Variants in TRNP1 observed in about 807,000 individuals in gnomAD.
TRNP1 encodes the protein TMF-regulated nuclear protein 1.
In TRNP1, 16 loss-of-function variants were observed where a neutral mutation model predicts 12.2. The ratio of observed to expected loss-of-function variants is 1.31; its 90% CI spans 0.89 to 1.99. TRNP1 has a LOEUF of 1.99. Ranked by LOEUF, TRNP1 falls within the 30% of genes most tolerant of loss-of-function variation. TRNP1 has a pLI of 0.00. For synonymous variants in TRNP1, 139 were observed against 166.2 expected (o/e 0.84, Z 1.26); for missense variants, 338 against 330.4 (o/e 1.02, Z -0.18).
At chr1:26,999,267 C>T (rs1179865051) in intron 1 of TRNP1, among the ~76,000 whole-genome samples, 1 of 152,192 alleles carries the variant, frequency 6.6e-6, no homozygotes, top group African/African-American at 2.4e-5. Flanking sequence ...CCCTGTAATC[C>T]CAGCTACTCC....
At position 26,993,704 on chromosome 1, in the gene TRNP1, G is replaced by A. The variant is rs565474818; in HGVS notation, c.-83G>A. ...CGGGCGCGCCTCTGGGGTGGGGGCT[G>A]TGGCCGTGTCTAGCTGTTCGGGTGT... On this transcript the variant is annotated 5_prime_UTR_variant, in exon 1 of 2. The change creates a new upstream start codon in the 5' untranslated region. Transcript: ENST00000522111. The A allele has an allele frequency of 7.8e-5, 96 of 1,236,826 alleles. No homozygotes were observed. In the African/African-American group the frequency reaches 1.2e-3, roughly 16 times the overall value. 76.6% of individuals were successfully genotyped at this position (1,236,826 alleles called of 1,614,324 possible).
At position 26,993,800 on chromosome 1, in the gene TRNP1, G is replaced by A. The variant is rs759852758; in HGVS notation, c.14G>A (p.Arg5His). The change falls in exon 1 of 2, where the codon CGC becomes CAC. Residue 5 changes from arginine to histidine, a missense_variant. Arg to His is a conservative substitution (Grantham distance 29). Transcript: ENST00000522111. MPGC[R>H]ISACGPGAQE... is the part of the protein sequence containing the mutation. ...GGGGGGCGGGGGATGCCGGGCTGCCGCATCAGCGCCTGCGGCCCGGGGGCC... is the reference window on the plus strand; with the variant it reads ...GGGGGGCGGGGGATGCCGGGCTGCCACATCAGCGCCTGCGGCCCGGGGGCC... 42 of 1,322,064 alleles carry A rather than the reference G, an allele frequency of 3.2e-5. No individual in the cohort carries two copies. The Middle Eastern group carries it at 8.5e-4, about 27-fold the overall frequency. The allele number at this position is 1,322,064 out of a possible 1,614,324, so 81.9% of individuals were successfully genotyped here. A position where few individuals can be genotyped will look rare whatever the true frequency, so the allele number is the denominator to read the frequency against.
Position 26,994,474 on chromosome 1 carries a change from C to A in TRNP1, c.*4C>A. On this transcript the variant is annotated 3_prime_UTR_variant, in exon 1 of 2. Transcript: ENST00000522111. The surrounding 1 kb of genome is among the most constrained non-coding windows in gnomAD (Gnocchi z 6.9). ...CCCCGCCTCCCCGCAGCGCTGACCT[C>A]CACGCCCGGACCCCTGGCCACCCCG... The A allele has an allele frequency of 8.5e-7, 1 of 1,178,256 alleles. No individual in the cohort carries two copies. The highest frequency in any genetic ancestry group is 1.0e-6 in the Non-Finnish European group (1 of 952,912). 73.0% of individuals were successfully genotyped at this position (1,178,256 alleles called of 1,614,324 possible).
rs1437954925 is a variant in TRNP1 at position 27,000,228 on chromosome 1, AAAC to A, written c.*529_*531del. On this transcript the variant is annotated 3_prime_UTR_variant, in exon 2 of 2. Coordinates refer to ENST00000522111, the MANE Select transcript of TRNP1 (RefSeq NM_001013642.3). ...TTTTCAAGATATCGTCATCATTCTT[AAAC>A]AACATTCTTAACCCCCAGCTGGGGT... The A allele has an allele frequency of 1.3e-5, 2 of 152,190 alleles. No individual in the cohort carries two copies. Among genetic ancestry groups the A allele is most frequent in the Non-Finnish European group, 2.9e-5 (2 of 68,042 alleles). 9.4% of individuals were successfully genotyped at this position (152,190 alleles called of 1,614,324 possible).
chr1:26,997,544 AG>A (rs1351710748), intron 1 of TRNP1, among the ~76,000 whole-genome samples: 1 of 152,092 alleles, frequency 6.6e-6, no homozygotes, highest in Non-Finnish European at 1.5e-5. Context: ...AGCCTCGGAC[AG>A]AAGGCTGACC....
chr1:26,994,444 C>A lies in TRNP1; in HGVS notation c.658C>A (p.Arg220Ser). Residue 220 changes from arginine to serine, a missense_variant, in exon 1 of 2, where the codon CGC (arginine) becomes AGC (serine). Physicochemically the swap from Arg to Ser is moderately radical, Grantham distance 110. Transcript: ENST00000522111. The surrounding 1 kb of genome is among the most constrained non-coding windows in gnomAD (Gnocchi z 6.9). ...CTCGCCCTTCCGCCGCAGCCCGCCC[C>A]GCGGCCCCGCCTCCCCGCAGCGCTG... ...PDSPFRRSPPRGPASPQR is the reference protein window; with the variant it reads ...PDSPFRRSPPSGPASPQR 1 of 1,176,488 alleles carries A rather than the reference C, an allele frequency of 8.5e-7. No homozygotes were observed. The allele number at this position is 1,176,488 out of a possible 1,614,324, so 72.9% of individuals were successfully genotyped here.
chr1:26,993,956 C>A lies in TRNP1; in HGVS notation c.170C>A (p.Ala57Glu). 7.5e-7 allele frequency: 1 copy of A among 1,334,936 alleles called. No individual in the cohort carries two copies. 82.7% of individuals were successfully genotyped at this position (1,334,936 alleles called of 1,614,324 possible). ...GGTCAGTCCCCGCCGCTGCCGGACG[C>A]AGCTGGGGCTTCAGCAGGCGCGGCC... The part of the protein sequence containing the change: ...TPGQSPPLPD[A>E]AGASAGAAED... Residue 57 changes from alanine (A) to glutamate (E), a missense_variant, in exon 1 of 2, where the codon GCA (alanine) becomes GAA (glutamate). By Grantham distance (107) the Ala-to-Glu change is moderately radical. Transcript: ENST00000522111.
At chr1:26,996,546 A>G (rs1410964472) in intron 1 of TRNP1, among the ~76,000 whole-genome samples, 1 of 152,132 alleles carries the variant, frequency 6.6e-6, no homozygotes, top group Non-Finnish European at 1.5e-5. Flanking sequence ...TGGGGTCTAG[A>G]GGCTTAGAGA....
chr1:26,995,457 C>G (rs1420993550), intron 1 of TRNP1, among the ~76,000 whole-genome samples: 1 of 152,178 alleles, frequency 6.6e-6, no homozygotes, highest in Non-Finnish European at 1.5e-5. Flanking sequence ...TTCCTCTGTC[C>G]CCACTGTGAA....
Position 26,998,576 on chromosome 1 carries a change from G to A in TRNP1, c.*143-1271G>A, listed in dbSNP as rs114501881. 9.7e-3 allele frequency among the ~76,000 whole-genome samples: 1,478 copies of A among 152,214 alleles called. 14 individuals are homozygous for A. The highest frequency in any genetic ancestry group is 0.017 in the Non-Finnish European group (1,128 of 68,022). Reference sequence around the variant, plus strand: ...AGGAGAGGCCTGCTGTCATGAGAGCGGTGCAGGAGGAGGTATTTGGGAAAG... The same window carrying A: ...AGGAGAGGCCTGCTGTCATGAGAGCAGTGCAGGAGGAGGTATTTGGGAAAG... On this transcript the variant is annotated intron_variant, in intron 1 of 1. Coordinates refer to ENST00000522111, the MANE Select transcript of TRNP1 (RefSeq NM_001013642.3).
intron 1 of TRNP1, among the ~76,000 whole-genome samples, chr1:26,997,908 C>CGGTAGT (rs1557699401): frequency 6.6e-6 from 1 of 152,098 alleles, no homozygotes; most frequent in Non-Finnish European, 1.5e-5. Flanking sequence ...TCCCTTTGCC[C>CGGTAGT]GGTAGTCCCC....
In TRNP1 at chr1:27,000,535, G is replaced by A. The variant is rs1421853623; in HGVS notation, c.*831G>A. The A allele has an allele frequency of 6.6e-6, 1 of 152,646 alleles. No homozygotes were observed. 9.5% of individuals were successfully genotyped at this position (152,646 alleles called of 1,614,324 possible). On this transcript the variant is annotated 3_prime_UTR_variant, in exon 2 of 2. Coordinates refer to ENST00000522111, the MANE Select transcript of TRNP1 (RefSeq NM_001013642.3). The stretch of plus-strand genomic sequence containing the variant: ...CACATTTAAACATCCTGATAATGGA[G>A]GGAAGGGGGGCACATTTACACATAG...
chr1:26,994,242 C>T lies in TRNP1; in HGVS notation c.456C>T (p.Ser152=), dbSNP rs1195099160. ...GCGCGGAGAGCCTGAGCCGCCTGAG[C>T]GGCGGCGTGGCGCAGGCCGAGCTCT... ...AHRAESLSRL[S]GGVAQAELYL... is the part of the protein sequence containing the mutation. The change falls in exon 1 of 2, where the codon AGC becomes AGT. Residue 152 remains serine (S), a synonymous_variant. Transcript: ENST00000522111. The surrounding 1 kb of genome is among the most constrained non-coding windows in gnomAD (Gnocchi z 6.9). 23 of 1,230,482 alleles carry T rather than the reference C, an allele frequency of 1.9e-5. No homozygotes were observed. The highest frequency in any genetic ancestry group is 5.5e-5 in the South Asian group (2 of 36,324). 76.2% of individuals were successfully genotyped at this position (1,230,482 alleles called of 1,614,324 possible). A position where few individuals can be genotyped will look rare whatever the true frequency, so the allele number is the denominator to read the frequency against.
Position 26,994,541 on chromosome 1 carries a change from C to T in TRNP1, c.*71C>T, listed in dbSNP as rs1442706810. On this transcript the variant is annotated 3_prime_UTR_variant, in exon 1 of 2. Coordinates refer to ENST00000522111, the MANE Select transcript of TRNP1 (RefSeq NM_001013642.3). The surrounding 1 kb of genome is among the most constrained non-coding windows in gnomAD (Gnocchi z 6.9). Reference sequence around the variant, plus strand: ...TGCCGACCGACCGACTGATCGCGGACGCCGGCTGGAAGGACTACGGATCCG... The same window carrying T: ...TGCCGACCGACCGACTGATCGCGGATGCCGGCTGGAAGGACTACGGATCCG... The T allele has an allele frequency of 5.1e-5, 54 of 1,056,616 alleles. No homozygotes were observed. The highest frequency in any genetic ancestry group is 6.1e-5 in the Non-Finnish European group (53 of 867,614). 65.5% of individuals were successfully genotyped at this position (1,056,616 alleles called of 1,614,324 possible). A position where few individuals can be genotyped will look rare whatever the true frequency, so the allele number is the denominator to read the frequency against.
intron 1 of TRNP1, among the ~76,000 whole-genome samples, chr1:26,998,312 G>A (rs541764970): frequency 6.6e-6 from 1 of 152,190 alleles, no homozygotes; most frequent in African/African-American, 2.4e-5. Context: ...TTCCAGAAAA[G>A]ACAGGTAGCC....
intron 1 of TRNP1, among the ~76,000 whole-genome samples, chr1:26,999,070 G>A (rs1288480540): frequency 6.6e-6 from 1 of 152,170 alleles, no homozygotes; most frequent in African/African-American, 2.4e-5. Context: ...GCTGGGCCCT[G>A]GGGGTGAGTC....
At chr1:26,996,347 CT>C (rs2082545371) in intron 1 of TRNP1, among the ~76,000 whole-genome samples, 1 of 152,212 alleles carries the variant, frequency 6.6e-6, no homozygotes, top group Admixed American at 6.5e-5. Flanking sequence ...GGATACCAAA[CT>C]TTTTGGCTGG....
At position 26,994,504 on chromosome 1, in the gene TRNP1, G is replaced by A; in HGVS notation, c.*34G>A. 8.6e-7 allele frequency: 1 copy of A among 1,158,252 alleles called. No homozygotes were observed. 71.7% of individuals were successfully genotyped at this position (1,158,252 alleles called of 1,614,324 possible). ...CCCGGACCCCTGGCCACCCCGACAA[G>A]CTTCGCCGAGGTGCCGACCGACCGA... is the stretch of plus-strand genomic sequence containing the variant. On this transcript the variant is annotated 3_prime_UTR_variant, in exon 1 of 2. Coordinates refer to ENST00000522111, the MANE Select transcript of TRNP1 (RefSeq NM_001013642.3). This position sits in a 1 kb window ranked among gnomAD's most constrained non-coding sequence, Gnocchi z 6.9.
intron 1 of TRNP1, among the ~76,000 whole-genome samples, chr1:26,995,251 C>T (rs1004641320): frequency 6.6e-6 from 1 of 152,230 alleles, no homozygotes; most frequent in African/African-American, 2.4e-5. Flanking sequence ...CCCAGGGATC[C>T]TTACATAGCA....
Sources: allele counts gnomAD v4.1 joint callset (sites outside exome capture counted in the v4.1 genomes callset), GRCh38; gene constraint gnomAD v4.1.1; non-coding constraint Gnocchi (gnomAD v3.1); transcripts MANE v1.5; gene names NCBI Gene and HGNC (gene_info 2026-07-23, HGNC 2026-07-21).